The following EHBP1 variants were observed in gnomAD, a reference collection of about 807,000 sequenced individuals.
EHBP1 encodes EH domain binding protein 1, also known as EH domain-binding protein 1.
EHBP1 carries 55 observed loss-of-function variants against 144.0 expected under a neutral mutation model. The ratio of observed to expected loss-of-function variants is 0.38; its 90% CI spans 0.31 to 0.48. The LOEUF is 0.48. EHBP1 is among the 20% of genes least tolerant of loss of function. The pLI is 0.98. For synonymous variants in EHBP1, 469 were observed against 472.7 expected (o/e 0.99, Z 0.10); for missense variants, 1,200 against 1,364.2 (o/e 0.88, Z 1.90).
intron 5 of EHBP1, among the ~76,000 whole-genome samples, chr2:62,788,653 TTC>T (rs1298855502): frequency 6.6e-6 from 1 of 152,228 alleles, no homozygotes; most frequent in Non-Finnish European, 1.5e-5. Context: ...AGCAATTATT[TTC>T]TGTTATTACT....
At chr2:62,850,656 C>G (rs1252637675) in intron 7 of EHBP1, among the ~76,000 whole-genome samples, 4 of 151,860 alleles carry the variant, frequency 2.6e-5, no homozygotes, top group Non-Finnish European at 5.9e-5. Flanking sequence ...TTCTGTGAAA[C>G]AAGACTTTAT....
At chr2:62,798,709 T>C (rs1484372675) in intron 5 of EHBP1, among the ~76,000 whole-genome samples, 3 of 151,962 alleles carry the variant, frequency 2.0e-5, no homozygotes, top group Non-Finnish European at 4.4e-5. Context: ...TTATAGAAAT[T>C]CATGCTATAG....
chr2:62,715,444 ATTTCT>A (rs1015136156), intron 2 of EHBP1, among the ~76,000 whole-genome samples: 15 of 148,228 alleles, frequency 1.0e-4, no homozygotes, highest in African/African-American at 3.7e-4. Flanking sequence ...TTTATGATGT[ATTTCT>A]TTTCTTTTTT....
intron 9 of EHBP1, among the ~76,000 whole-genome samples, chr2:62,869,774 C>T (rs2050319032): frequency 6.6e-6 from 1 of 152,106 alleles, no homozygotes; most frequent in Non-Finnish European, 1.5e-5. Context: ...AAATGTAAGC[C>T]ATGTATTGTT....
intron 10 of EHBP1, among the ~76,000 whole-genome samples, chr2:62,897,251 C>T (rs2053011307): frequency 1.3e-5 from 2 of 152,170 alleles, no homozygotes; most frequent in Non-Finnish European, 2.9e-5. Context: ...TCTCATTTAA[C>T]AGTTATCCTA....
chr2:62,964,619 T>C lies in EHBP1; in HGVS notation c.2460+8959T>C, dbSNP rs539198155. 5.9e-5 allele frequency among the ~76,000 whole-genome samples: 9 copies of C among 152,338 alleles called. No individual in the cohort carries two copies. In the South Asian group the frequency reaches 1.7e-3, roughly 28 times the overall value. On this transcript the variant is annotated intron_variant, in intron 14 of 22. Coordinates refer to ENST00000431489, the MANE Select transcript of EHBP1 (RefSeq NM_001142616.3). ...GTGGCACTGTGAAGCTACTAATTCC[T>C]TTGCTTCACTTGATGTAAAATAATC...
At chr2:62,861,095 TCTC>T (rs1279969880) in intron 8 of EHBP1, among the ~76,000 whole-genome samples, 2 of 151,012 alleles carry the variant, frequency 1.3e-5, no homozygotes, top group Admixed American at 6.6e-5. Flanking sequence ...CAGGTTCAGT[TCTC>T]CTCTTATATT....
chr2:62,771,237 C>A, intron 4 of EHBP1, 102 bp from the exon 5 acceptor site: 4 of 675,632 alleles, frequency 5.9e-6, no homozygotes, highest in Admixed American at 3.1e-5. Context: ...TTTTTAAAAG[C>A]TAGTAAAAGC....
At chr2:62,803,771 A>G (rs1018037509) in intron 5 of EHBP1, among the ~76,000 whole-genome samples, 1 of 152,218 alleles carries the variant, frequency 6.6e-6, no homozygotes, top group Non-Finnish European at 1.5e-5. Context: ...TCACACAGCA[A>G]GCTTTCAGTA....
intron 15 of EHBP1, among the ~76,000 whole-genome samples, chr2:62,989,277 A>G (rs951427162): frequency 6.6e-6 from 1 of 152,074 alleles, no homozygotes; most frequent in African/African-American, 2.4e-5. Flanking sequence ...TCGGAAACCA[A>G]TCACATCTTT....
intron 10 of EHBP1, among the ~76,000 whole-genome samples, chr2:62,900,389 G>A (rs545729793): frequency 5.3e-5 from 8 of 151,972 alleles, no homozygotes; most frequent in Admixed American, 4.6e-4. Flanking sequence ...AAGGCAATGG[G>A]GGACACAGGA....
intron 5 of EHBP1, among the ~76,000 whole-genome samples, chr2:62,784,138 A>T (rs2152425514): frequency 6.6e-6 from 1 of 152,346 alleles, no homozygotes; most frequent in East Asian, 1.9e-4. Flanking sequence ...CATGAAATGG[A>T]TATAAAACTA....
At chr2:62,951,817 G>A (rs189817075) in intron 13 of EHBP1, among the ~76,000 whole-genome samples, 2 of 151,974 alleles carry the variant, frequency 1.3e-5, no homozygotes, top group East Asian at 1.9e-4. Flanking sequence ...GAGCCACCGC[G>A]CCTGGCCAGA....
chr2:62,895,921 G>T (rs1166829432), intron 10 of EHBP1, among the ~76,000 whole-genome samples: 1 of 152,104 alleles, frequency 6.6e-6, no homozygotes, highest in African/African-American at 2.4e-5. Flanking sequence ...AAAAAATATT[G>T]AGTACTGAAC....
chr2:62,860,491 A>C (rs906258082), intron 8 of EHBP1, among the ~76,000 whole-genome samples: 1 of 88,394 alleles, frequency 1.1e-5, no homozygotes, highest in Non-Finnish European at 2.6e-5. Flanking sequence ...ACTCCATCTC[A>C]AAAAAAGAAA....
chr2:62,759,540 G>T (rs2040590860), intron 3 of EHBP1, among the ~76,000 whole-genome samples: 1 of 152,038 alleles, frequency 6.6e-6, no homozygotes, highest in African/African-American at 2.4e-5. Flanking sequence ...CAAGTAGCTG[G>T]GATTACAGAC....
At chr2:62,798,774 G>A (rs2043745241) in intron 5 of EHBP1, among the ~76,000 whole-genome samples, 1 of 151,984 alleles carries the variant, frequency 6.6e-6, no homozygotes, top group East Asian at 1.9e-4. Context: ...GGAGGCCGAG[G>A]TGGGCGGATC....
At chr2:62,910,658 A>T (rs919691510) in intron 10 of EHBP1, among the ~76,000 whole-genome samples, 2 of 151,880 alleles carry the variant, frequency 1.3e-5, no homozygotes, top group African/African-American at 4.8e-5. Flanking sequence ...GTTTTTGCCC[A>T]GCTTTACCTT....
chr2:62,883,390 G>T (rs1390075779), intron 10 of EHBP1, among the ~76,000 whole-genome samples: 1 of 152,090 alleles, frequency 6.6e-6, no homozygotes, highest in East Asian at 1.9e-4. Context: ...GATGTTTATG[G>T]GAAAGACTGA....
Sources: allele counts gnomAD v4.1 joint callset (sites outside exome capture counted in the v4.1 genomes callset), GRCh38; gene constraint gnomAD v4.1.1; transcripts MANE v1.5; gene names NCBI Gene and HGNC (gene_info 2026-07-23, HGNC 2026-07-21).